The following SDK1 variants were observed in gnomAD, a reference collection of about 807,000 sequenced individuals.
SDK1 encodes protein sidekick-1.
In SDK1, 157 loss-of-function variants were observed where a neutral mutation model predicts 245.5. The observed-to-expected ratio is 0.64, with a 90% confidence interval of 0.56 to 0.73. The LOEUF is 0.73. Among genes scored for constraint, SDK1 ranks in the 30% least tolerant of loss-of-function variants. The pLI is 0.00. For synonymous variants in SDK1, 1,647 were observed against 1,278.5 expected, an observed-to-expected ratio of 1.29 and a Z score of -6.15; for missense variants, 3,583 against 3,002.3, an observed-to-expected ratio of 1.19 and a Z score of -4.52.
intron 37 of SDK1, among the ~76,000 whole-genome samples, chr7:4,209,612 G>A (rs998745412): frequency 6.6e-5 from 10 of 152,184 alleles, no homozygotes; most frequent in Non-Finnish European, 1.0e-4. Flanking sequence ...AGGGAGAGGC[G>A]AGGAGGGGTC....
chr7:4,137,277 A>G (rs1472406321), intron 28 of SDK1, among the ~76,000 whole-genome samples: 1 of 152,228 alleles, frequency 6.6e-6, no homozygotes, highest in African/African-American at 2.4e-5. Flanking sequence ...CCTGGGTGAC[A>G]GAGCGAGACT....
chr7:4,176,721 A>T (rs1782237017), intron 34 of SDK1, among the ~76,000 whole-genome samples: 3 of 152,188 alleles, frequency 2.0e-5, no homozygotes, highest in Admixed American at 2.0e-4. Flanking sequence ...GACCTCATAG[A>T]AGGGGAATCA....
chr7:4,245,622 G>C (rs182186656), intron 43 of SDK1, 54 bp from the exon 44 acceptor site: 28 of 1,595,584 alleles, frequency 1.8e-5, no homozygotes, highest in Non-Finnish European at 2.2e-5. Context: ...GGAGTCCTCC[G>C]GGGAAGGGCG....
At chr7:3,536,087 C>A (rs2128619187) in intron 1 of SDK1, among the ~76,000 whole-genome samples, 1 of 150,694 alleles carries the variant, frequency 6.6e-6, no homozygotes, top group Admixed American at 6.6e-5. Context: ...GACGGAGTCT[C>A]ACTCTGTCGC....
intron 5 of SDK1, among the ~76,000 whole-genome samples, chr7:3,844,354 G>A (rs750370337): frequency 9.9e-5 from 15 of 152,124 alleles, no homozygotes; most frequent in Non-Finnish European, 1.8e-4. Flanking sequence ...TTTAGGTAAC[G>A]GCCTAGGGAA....
chr7:4,202,942 C>G (rs1013404943), intron 35 of SDK1, among the ~76,000 whole-genome samples: 4 of 152,164 alleles, frequency 2.6e-5, no homozygotes, highest in Admixed American at 1.3e-4. Flanking sequence ...TGCTCTCCAC[C>G]CACCAGCAAA....
chr7:3,676,507 A>G (rs967151034), intron 4 of SDK1, among the ~76,000 whole-genome samples: 2 of 151,238 alleles, frequency 1.3e-5, no homozygotes, highest in Non-Finnish European at 1.5e-5. Context: ...TTATATTGTT[A>G]GTAGAGACGG....
intron 4 of SDK1, among the ~76,000 whole-genome samples, chr7:3,704,721 T>C (rs1583324288): frequency 6.6e-6 from 1 of 152,196 alleles, no homozygotes; most frequent in East Asian, 1.9e-4. Flanking sequence ...ATTTTCATTT[T>C]TGTTGCATTT....
chr7:4,065,828 T>C (rs912623374), intron 19 of SDK1, among the ~76,000 whole-genome samples: 94 of 151,038 alleles, frequency 6.2e-4, no homozygotes, highest in African/African-American at 2.0e-3. Flanking sequence ...AAAAATCTAA[T>C]GTTTGTGCAA....
intron 12 of SDK1, 101 bp downstream of exon 12, chr7:3,971,669 T>G: frequency 1.2e-6 from 1 of 857,936 alleles, no homozygotes; most frequent in Non-Finnish European, 1.9e-6. Flanking sequence ...ACTTTTGATT[T>G]CAGCAGCAGG....
intron 22 of SDK1, among the ~76,000 whole-genome samples, chr7:4,090,813 A>G (rs925366576): frequency 1.3e-5 from 2 of 152,212 alleles, no homozygotes; most frequent in Admixed American, 6.5e-5. Context: ...GTCAGTTTCT[A>G]TATCTAGCCA....
chr7:3,625,246 A>G (rs976148509), intron 2 of SDK1, among the ~76,000 whole-genome samples: 6 of 152,220 alleles, frequency 3.9e-5, no homozygotes, highest in Admixed American at 3.3e-4. Context: ...GTACAAAAGC[A>G]TTGAGAAACT....
intron 2 of SDK1, among the ~76,000 whole-genome samples, chr7:3,638,779 TATA>T (rs1310317944): frequency 6.6e-6 from 1 of 150,902 alleles, no homozygotes; most frequent in Non-Finnish European, 1.5e-5. Context: ...AAACTTAAAG[TATA>T]ATAATAATAA....
At chr7:3,991,789 G>C (rs1172718615) in intron 14 of SDK1, among the ~76,000 whole-genome samples, 2 of 152,316 alleles carry the variant, frequency 1.3e-5, no homozygotes, top group Admixed American at 1.3e-4. Context: ...GGCTGAAGCA[G>C]CCTGTGCTGC....
intron 26 of SDK1, 46 bp from the exon 27 acceptor site, chr7:4,129,862 C>G: frequency 6.2e-7 from 1 of 1,608,230 alleles, no homozygotes; most frequent in Middle Eastern, 1.7e-4. Context: ...GCGGTCCCTC[C>G]TGGCACCCGC....
intron 5 of SDK1, among the ~76,000 whole-genome samples, chr7:3,935,800 T>C (rs765141746): frequency 2.0e-5 from 3 of 152,232 alleles, no homozygotes; most frequent in Non-Finnish European, 4.4e-5. Flanking sequence ...AGGAGAAATG[T>C]ATGACGAAGT....
chr7:4,054,529 T>C (rs1373366615), intron 19 of SDK1, among the ~76,000 whole-genome samples: 1 of 152,324 alleles, frequency 6.6e-6, no homozygotes, highest in Admixed American at 6.5e-5. Flanking sequence ...TCTTGAATGT[T>C]TCTAAGGCCA....
intron 22 of SDK1, among the ~76,000 whole-genome samples, chr7:4,080,932 A>T (rs1161265418): frequency 6.6e-6 from 1 of 152,254 alleles, no homozygotes; most frequent in East Asian, 1.9e-4. Flanking sequence ...GATGAAAGCA[A>T]ACTTTAAAAC....
At chr7:4,197,515 C>A (rs1218916991) in intron 35 of SDK1, among the ~76,000 whole-genome samples, 1 of 152,130 alleles carries the variant, frequency 6.6e-6, no homozygotes, top group Non-Finnish European at 1.5e-5. Flanking sequence ...TGAAAACATT[C>A]TTCCACAAGG....
Sources: gnomAD v4.1 joint callset for allele counts (sites outside exome capture counted in the v4.1 genomes callset) on GRCh38, gnomAD v4.1.1 for gene constraint, MANE v1.5 for transcripts, NCBI Gene and HGNC (gene_info 2026-07-23, HGNC 2026-07-21) for gene names.